The following PCDH15 variants were observed in gnomAD, a reference collection of about 807,000 sequenced individuals.
PCDH15 encodes protocadherin-15.
PCDH15 carries 129 observed loss-of-function variants against 178.5 expected under a neutral mutation model. The ratio of observed to expected loss-of-function variants is 0.72; its 90% CI spans 0.63 to 0.84. The LOEUF (loss-of-function observed/expected upper bound fraction) is 0.84, where lower values mean the gene tolerates loss of function less well. Among genes scored for constraint, PCDH15 ranks in the 40% least tolerant of loss-of-function variants. The probability of loss-of-function intolerance (pLI) is 0.00; values close to 1 mark genes in which losing one functional copy is unlikely to be tolerated. For synonymous variants in PCDH15, 800 were observed against 732.0 expected (o/e 1.09, Z -1.50); for missense variants, 2,230 against 2,099.9 (o/e 1.06, Z -1.21).
chr10:55,207,589 A>G (rs982232928), intron 1 of PCDH15, among the ~76,000 whole-genome samples: 4 of 152,202 alleles, frequency 2.6e-5, no homozygotes, highest in African/African-American at 9.7e-5. Context: ...AAATTAAAAC[A>G]TAGCTAAGCA....
At chr10:54,573,659 CA>C (rs1188675796) in intron 2 of PCDH15, among the ~76,000 whole-genome samples, 1 of 150,722 alleles carries the variant, frequency 6.6e-6, no homozygotes, top group East Asian at 2.0e-4. Flanking sequence ...ATATATAAGT[CA>C]ATGTCTAGGT....
intron 3 of PCDH15, among the ~76,000 whole-genome samples, chr10:54,882,149 A>T (rs116948449): frequency 0.012 from 1,847 of 152,252 alleles, 29 homozygotes; most frequent in Admixed American, 0.016. Context: ...AATAATAAGA[A>T]AAGAGAAGAA....
intron 1 of PCDH15, among the ~76,000 whole-genome samples, chr10:54,678,729 G>T (rs541957874): frequency 6.6e-6 from 1 of 152,024 alleles, no homozygotes; most frequent in South Asian, 2.1e-4. Flanking sequence ...GAAAGTAGGA[G>T]GCATACATAA....
chr10:55,000,990 C>T (rs772470828), intron 2 of PCDH15, among the ~76,000 whole-genome samples: 46 of 152,222 alleles, frequency 3.0e-4, no homozygotes, highest in Middle Eastern at 3.4e-3. Context: ...ACATTAAAAA[C>T]CCCAGGCTCA....
chr10:54,100,525 T>C (rs1482246226), intron 15 of PCDH15, among the ~76,000 whole-genome samples: 1 of 152,184 alleles, frequency 6.6e-6, no homozygotes, highest in Non-Finnish European at 1.5e-5. Context: ...ATCATTCTGA[T>C]ACTCAGATAA....
chr10:54,683,695 T>C lies in PCDH15; in HGVS notation c.-28-19405A>G, dbSNP rs1175082843. ...CAAACATTAGAGGCAAGACTAGAAG[T>C]GGAATCTTCAAACCCATGTCCATTA... On this transcript the variant is annotated intron_variant, in intron 1 of 37. Coordinates refer to ENST00000644397, the MANE Select transcript of PCDH15 (RefSeq NM_001384140.1). 2.0e-5 allele frequency among the ~76,000 whole-genome samples: 3 copies of C among 152,064 alleles called. No homozygotes were observed. The South Asian group carries it at 6.2e-4, about 31-fold the overall frequency.
rs554572176 is a variant in PCDH15 at position 53,866,887 on chromosome 10, T to G, written c.3502-30A>C. 25 of 1,468,008 alleles carry G rather than the reference T, an allele frequency of 1.7e-5. No homozygotes were observed. The East Asian group carries it at 3.4e-4, about 20-fold the overall frequency. 90.9% of individuals were successfully genotyped at this position (1,468,008 alleles called of 1,614,324 possible). A position where few individuals can be genotyped will look rare whatever the true frequency, so the allele number is the denominator to read the frequency against. On this transcript the variant is annotated intron_variant, in intron 26 of 37. Transcript: ENST00000644397. ...ACGGAGGGGAAAAAAAAAGAGATTA[T>G]AATTAAGCAGGAAAAGATAACCCTT...
rs1954176789 is a variant in PCDH15, at chr10:54,877,936, C to CTTTTT, written c.-29+19513_-29+19514insAAAAA. ...TCTCTTATTCTCTTTCTCTCTCTCT[C>CTTTTT]TCTTTTTTTTTTTTTTTTTTTTTTT... On this transcript the variant is annotated intron_variant, in intron 3 of 5. Coordinates refer to the PCDH15 transcript ENST00000458638. Among the ~76,000 whole-genome samples, 38 of 104,314 alleles carry CTTTTT rather than the reference C, an allele frequency of 3.6e-4. 2 individuals are homozygous for CTTTTT. Among genetic ancestry groups the CTTTTT allele is most frequent in the Non-Finnish European group, 5.0e-4 (25 of 50,034 alleles). The allele number at this position is 104,314 out of a possible 152,430, so 68.4% of individuals were successfully genotyped here. A position where few individuals can be genotyped will look rare whatever the true frequency, so the allele number is the denominator to read the frequency against.
intron 14 of PCDH15, among the ~76,000 whole-genome samples, chr10:54,148,693 T>C (rs1041669909): frequency 6.6e-6 from 1 of 152,102 alleles, no homozygotes; most frequent in Non-Finnish European, 1.5e-5. Flanking sequence ...GCACCCCTAT[T>C]GACATCAACA....
intron 1 of PCDH15, among the ~76,000 whole-genome samples, chr10:55,237,428 A>T (rs750362603): frequency 6.6e-6 from 1 of 152,170 alleles, no homozygotes; most frequent in South Asian, 2.1e-4. Flanking sequence ...AAATTCTAGA[A>T]TTTGAAGTAT....
intron 27 of PCDH15, among the ~76,000 whole-genome samples, chr10:53,861,116 C>G (rs374412863): frequency 2.2e-4 from 33 of 152,202 alleles, no homozygotes; most frequent in Admixed American, 1.6e-3. Flanking sequence ...TACATCCTAA[C>G]TCTGGTTTGT....
intron 10 of PCDH15, among the ~76,000 whole-genome samples, chr10:54,196,878 A>G (rs2049725120): frequency 6.6e-6 from 1 of 152,180 alleles, no homozygotes; most frequent in Non-Finnish European, 1.5e-5. Flanking sequence ...GTGGGCCCTC[A>G]CTAGAAACCA....
intron 1 of PCDH15, among the ~76,000 whole-genome samples, chr10:55,296,638 C>A (rs1010957665): frequency 1.3e-5 from 2 of 152,146 alleles, no homozygotes; most frequent in Admixed American, 6.6e-5. Flanking sequence ...GAGACTAAAT[C>A]TGTATATTTT....
intron 2 of PCDH15, among the ~76,000 whole-genome samples, chr10:54,635,378 T>C: frequency 8.2e-6 from 1 of 121,812 alleles, no homozygotes; most frequent in African/African-American, 2.6e-5. Flanking sequence ...TTAATTCATC[T>C]CATATATGTA....
intron 2 of PCDH15, among the ~76,000 whole-genome samples, chr10:55,354,525 C>T (rs1418417092): frequency 1.3e-5 from 2 of 151,988 alleles, no homozygotes; most frequent in African/African-American, 4.8e-5. Context: ...TACAACACTA[C>T]CAGGTAGATT....
chr10:54,278,939 CTTG>C (rs1438671899), intron 8 of PCDH15, among the ~76,000 whole-genome samples: 1 of 151,318 alleles, frequency 6.6e-6, no homozygotes, highest in East Asian at 1.9e-4. Context: ...TCTGCACTTA[CTTG>C]TTGTTTCTAA....
intron 2 of PCDH15, among the ~76,000 whole-genome samples, chr10:55,342,821 C>T (rs1470048141): frequency 6.6e-6 from 1 of 152,046 alleles, no homozygotes; most frequent in Non-Finnish European, 1.5e-5. Flanking sequence ...ACTAGAGAGA[C>T]AGAAAAGGTG....
chr10:54,280,873 C>G (rs577386912), intron 8 of PCDH15, among the ~76,000 whole-genome samples: 1 of 151,832 alleles, frequency 6.6e-6, no homozygotes, highest in East Asian at 1.9e-4. Flanking sequence ...AATTATTTGT[C>G]TATGAAATCA....
chr10:54,542,964 A>G (rs2085424099), intron 2 of PCDH15, among the ~76,000 whole-genome samples: 1 of 152,202 alleles, frequency 6.6e-6, no homozygotes, highest in African/African-American at 2.4e-5. Flanking sequence ...GGCAGAAGAC[A>G]TAAGCGGCTC....
Sources: allele counts gnomAD v4.1 joint callset (sites outside exome capture counted in the v4.1 genomes callset), GRCh38; gene constraint gnomAD v4.1.1; transcripts MANE v1.5; gene names NCBI Gene and HGNC (gene_info 2026-07-23, HGNC 2026-07-21).